CMTR1: variants seen among roughly 807,000 people sequenced by gnomAD.
The protein encoded by CMTR1 is cap methyltransferase 1.
A neutral mutation model predicts 107.0 loss-of-function variants in CMTR1; 39 were observed. The ratio of observed to expected loss-of-function variants is 0.36; its 90% CI spans 0.28 to 0.48. The LOEUF (loss-of-function observed/expected upper bound fraction) is 0.48, where lower values mean the gene tolerates loss of function less well. CMTR1 is among the 20% of genes least tolerant of loss of function. The pLI is 0.99. For synonymous variants in CMTR1, 366 were observed against 379.5 expected (o/e 0.96, Z 0.41); for missense variants, 672 against 1,064.9 (o/e 0.63, Z 5.14).
chr6:37,441,084 T>C (rs577635850), intron 2 of CMTR1, among the ~76,000 whole-genome samples: 52 of 152,342 alleles, frequency 3.4e-4, no homozygotes, highest in African/African-American at 1.1e-3. Flanking sequence ...AGAGGAACTT[T>C]AGGGCTCTGC....
chr6:37,463,511 C>T (rs943147363), intron 13 of CMTR1, among the ~76,000 whole-genome samples: 1 of 151,992 alleles, frequency 6.6e-6, no homozygotes, highest in Non-Finnish European at 1.5e-5. Flanking sequence ...TTTCCCCACT[C>T]CCTGTTAGTG....
chr6:37,447,774 C>G (rs555276845), intron 4 of CMTR1, among the ~76,000 whole-genome samples: 5 of 151,978 alleles, frequency 3.3e-5, no homozygotes, highest in African/African-American at 1.2e-4. Context: ...GCAGGAGAAT[C>G]ACTTGAACCT....
intron 2 of CMTR1, among the ~76,000 whole-genome samples, chr6:37,437,529 A>AG (rs1198689838): frequency 6.6e-6 from 1 of 151,534 alleles, no homozygotes; most frequent in Non-Finnish European, 1.5e-5. Flanking sequence ...AAAAAAAAAA[A>AG]AAAAGCTCAT....
At chr6:37,469,437 C>T (rs1761578043) in intron 13 of CMTR1, among the ~76,000 whole-genome samples, 1 of 149,618 alleles carries the variant, frequency 6.7e-6, no homozygotes, top group African/African-American at 2.5e-5. Context: ...GCTTGGGGTT[C>T]ATTGACCTTG....
chr6:37,434,709 C>T (rs1364365401), intron 1 of CMTR1, among the ~76,000 whole-genome samples: 4 of 151,046 alleles, frequency 2.6e-5, no homozygotes, highest in Admixed American at 6.6e-5. Context: ...CTGCAACCTC[C>T]GCCTCAGCAA....
chr6:37,443,869 C>A, intron 2 of CMTR1, 130 bp from the exon 3 acceptor site: 1 of 1,004,634 alleles, frequency 1.0e-6, no homozygotes, highest in Non-Finnish European at 1.4e-6. Context: ...TAGATTTGAC[C>A]TTGGGTCATT....
At chr6:37,430,148 G>A (rs916683901), upstream of CMTR1, among the ~76,000 whole-genome samples, 1 of 152,016 alleles carries the variant, frequency 6.6e-6, no homozygotes. Flanking sequence ...AAACGAAGGG[G>A]AAAAAAATTG....
intron 1 of CMTR1, 21 bp downstream of exon 1, chr6:37,433,398 CG>C (rs1358638245): frequency 6.6e-6 from 1 of 152,510 alleles, no homozygotes; most frequent in Non-Finnish European, 1.5e-5. Flanking sequence ...ACGCGCGGCC[CG>C]GGGGGAGCAA....
chr6:37,475,144 C>A (rs2113894373), intron 18 of CMTR1, among the ~76,000 whole-genome samples, 177 bp from the exon 19 acceptor site: 1 of 152,286 alleles, frequency 6.6e-6, no homozygotes, highest in South Asian at 2.1e-4. Context: ...TGCTCAGAAG[C>A]CGAGGCCAGT....
chr6:37,467,774 C>T (rs1032293389), intron 13 of CMTR1, among the ~76,000 whole-genome samples: 1 of 152,210 alleles, frequency 6.6e-6, no homozygotes, highest in Admixed American at 6.5e-5. Context: ...AGTATAGCCA[C>T]ATAAGCTTTC....
At chr6:37,431,007 C>T (rs557044128), upstream of CMTR1, among the ~76,000 whole-genome samples, 976 of 130,736 alleles carry the variant, frequency 7.5e-3, 5 homozygotes, top group South Asian at 0.025. Flanking sequence ...AGCAAGACTC[C>T]GTCTCAAAAA....
rs1471564354 is a variant in CMTR1 at position 37,475,377 on chromosome 6, T to C, written c.2001T>C (p.Asn667=). The change falls in exon 19 of 24, where the codon AAT becomes AAC. Residue 667 remains asparagine, a synonymous_variant. Coordinates refer to ENST00000373451, the MANE Select transcript of CMTR1 (RefSeq NM_015050.3). The part of the protein sequence containing the change: ...AIHILDVLVL[N]GTDVREQHFN... Reference sequence around the variant, plus strand: ...ACATCCTCGATGTCCTTGTGCTGAATGGCACCGACGTTCGGGAGCAGCACT... The same window carrying C: ...ACATCCTCGATGTCCTTGTGCTGAACGGCACCGACGTTCGGGAGCAGCACT... 6.5e-7 allele frequency: 1 copy of C among 1,548,878 alleles called. No individual in the cohort carries two copies. Among genetic ancestry groups the C allele is most frequent in the Non-Finnish European group, 8.8e-7 (1 of 1,141,646 alleles).
At chr6:37,470,087 C>T (rs1761591118) in intron 13 of CMTR1, among the ~76,000 whole-genome samples, 1 of 151,862 alleles carries the variant, frequency 6.6e-6, no homozygotes, top group Non-Finnish European at 1.5e-5. Flanking sequence ...TTCTATTTGC[C>T]TTTTAAAAAT....
rs758668296 is a variant in CMTR1, at chr6:37,476,153, A to C, written c.2064A>C (p.Lys688Asn). Residue 688 changes from lysine to asparagine, a missense_variant, in exon 20 of 24, where the codon AAA becomes AAC. Lys to Asn is a moderately conservative substitution (Grantham distance 94). Coordinates refer to ENST00000373451, the MANE Select transcript of CMTR1 (RefSeq NM_015050.3). ...TTCAGCTTGCCGAGAAATTTGTGAA[A>C]GCCGTTTCCAAGCCTAGTCGGCCCG... ...QRIQLAEKFV[K>N]AVSKPSRPDM... is the part of the protein sequence containing the mutation. 19 of 1,614,052 alleles carry C rather than the reference A, an allele frequency of 1.2e-5. No individual in the cohort carries two copies. The highest frequency in any genetic ancestry group is 1.5e-5 in the Non-Finnish European group (18 of 1,179,984).
chr6:37,451,896 A>C lies in CMTR1; in HGVS notation c.609+19A>C. The C allele has an allele frequency of 6.2e-7, 1 of 1,603,754 alleles. No homozygotes were observed. Among genetic ancestry groups the C allele is most frequent in the South Asian group, 1.1e-5 (1 of 90,690 alleles). On this transcript the variant is annotated intron_variant, in intron 6 of 23. Coordinates refer to ENST00000373451, the MANE Select transcript of CMTR1 (RefSeq NM_015050.3). ...GTGTAAGGTAAGGTCTTGTGGCTAG[A>C]ACCAGATAATGAAAACCTTGTGGGA...
chr6:37,459,499 C>T (rs1308485146), intron 9 of CMTR1, 67 bp from the exon 10 acceptor site: 60 of 1,333,644 alleles, frequency 4.5e-5, no homozygotes, highest in Non-Finnish European at 6.2e-5. Flanking sequence ...TGACCCAGAG[C>T]ACTCGTGTCC....
chr6:37,456,257 C>T (rs1041737706), intron 8 of CMTR1, among the ~76,000 whole-genome samples: 4 of 152,160 alleles, frequency 2.6e-5, no homozygotes, highest in African/African-American at 9.7e-5. Context: ...GAAGATGCTA[C>T]ATAATGTTCT....
rs115372653 is a variant in CMTR1, at chr6:37,440,995, A to C, written c.134-3004A>C. 6.5e-3 allele frequency among the ~76,000 whole-genome samples: 984 copies of C among 152,276 alleles called. 8 individuals are homozygous for C. Among genetic ancestry groups the C allele is most frequent in the Non-Finnish European group, 0.011 (765 of 68,016 alleles). ...CATAGGTAGACCTATGAATGTCCAG[A>C]TTGCTGGTGAAAGGAGTAGCAACTG... is the stretch of plus-strand genomic sequence containing the variant. On this transcript the variant is annotated intron_variant, in intron 2 of 23. Transcript: ENST00000373451.
chr6:37,461,746 C>A, intron 11 of CMTR1, 101 bp downstream of exon 11: 1 of 908,752 alleles, frequency 1.1e-6, no homozygotes, highest in Non-Finnish European at 1.7e-6. Context: ...AAAAAATCTG[C>A]TTATATTAGA....
Sources: allele counts gnomAD v4.1 joint callset (sites outside exome capture counted in the v4.1 genomes callset), GRCh38; gene constraint gnomAD v4.1.1; transcripts MANE v1.5; gene names NCBI Gene and HGNC (gene_info 2026-07-23, HGNC 2026-07-21).